NPHS1: variants seen among roughly 807,000 people sequenced by gnomAD.
NPHS1 encodes nephrin.
NPHS1 carries 107 observed loss-of-function variants against 139.7 expected under a neutral mutation model. The observed-to-expected ratio is 0.77, with a 90% CI of 0.66 to 0.90. The LOEUF (loss-of-function observed/expected upper bound fraction) is 0.90. NPHS1 is among the 40% of genes least tolerant of loss of function. The pLI is 0.00. For missense variants in NPHS1, 1,580 were observed against 1,654.2 expected (o/e 0.96, Z 0.78); for synonymous variants, 707 against 706.6 (o/e 1.00, Z -0.01).
chr19:35,845,454 C>A lies in NPHS1; in HGVS notation c.1844G>T (p.Arg615Leu), dbSNP rs751046394. 3 of 1,614,148 alleles carry A rather than the reference C, an allele frequency of 1.9e-6. No individual in the cohort carries two copies. In the South Asian group the frequency reaches 3.3e-5, roughly 18 times the overall value. ...ARSVLLQVSS[R>L]DHGQRVTCRA... is the part of the protein sequence containing the mutation. ...GCAGGTCACGCGCTGGCCATGATCG[C>A]GGGATGACACTTGCAGAAGGACGCT... Residue 615 changes from arginine to leucine, a missense_variant, in exon 14 of 29, where the codon CGC (arginine) becomes CTC (leucine). Arg to Leu is a moderately radical substitution (Grantham distance 102, BLOSUM62 -2). Coordinates refer to ENST00000378910, the MANE Select transcript of NPHS1 (RefSeq NM_004646.4). This position sits in a 1 kb window ranked among gnomAD's most constrained non-coding sequence, Gnocchi z 5.5.
rs1393859627 is a variant in NPHS1, at chr19:35,826,463, C to G, written c.*51G>C. On this transcript the variant is annotated 3_prime_UTR_variant, in exon 29 of 29. Transcript: ENST00000378910. Reference sequence around the variant, plus strand: ...CGGCCCAGGCTGTAATGAGAGAGACCAGTGGAGTGTAAATTCCTGCAGGTG... The same window carrying G: ...CGGCCCAGGCTGTAATGAGAGAGACGAGTGGAGTGTAAATTCCTGCAGGTG... 6.2e-7 allele frequency: 1 copy of G among 1,608,776 alleles called. No homozygotes were observed. Among genetic ancestry groups the G allele is most frequent in the African/African-American group, 1.3e-5 (1 of 74,750 alleles).
chr19:35,837,242 A>G (rs970638372), intron 22 of NPHS1, among the ~76,000 whole-genome samples: 1 of 152,158 alleles, frequency 6.6e-6, no homozygotes, highest in Non-Finnish European at 1.5e-5. Flanking sequence ...ATTGTAACAT[A>G]TTCATCATAT....
chr19:35,841,490 C>T (rs1169466473), intron 20 of NPHS1, among the ~76,000 whole-genome samples: 2 of 152,094 alleles, frequency 1.3e-5, no homozygotes, highest in African/African-American at 2.4e-5. Flanking sequence ...TAACAAGTAC[C>T]CCCTCTCCAT....
rs1247818296 is a variant in NPHS1, at chr19:35,831,323, T to A, written c.3360A>T (p.Thr1120=). The A allele has an allele frequency of 1.9e-6, 3 of 1,614,120 alleles. No individual in the cohort carries two copies. In the South Asian group the frequency reaches 3.3e-5, roughly 18 times the overall value. The change falls in exon 26 of 29, where the codon ACA becomes ACT. Residue 1120 remains threonine, a synonymous_variant. Transcript: ENST00000378910. ...VRNEYEESQW[T]GERDTQSSTV... is the part of the protein sequence containing the mutation. ...TGGAGCTCTGAGTGTCCCGCTCTCC[T>A]GTCCACTGGCTCTCCTCATATTCGT...
Position 35,848,279 on chromosome 19 carries a change from T to C in NPHS1, c.1289A>G (p.Lys430Arg), listed in dbSNP as rs368523939. ...FSEAFTKETF[K>R]KSLILNVKYP... The stretch of plus-strand genomic sequence containing the variant: ...TTTTACGTTCAGGATGAGCGACTTC[T>C]TGAAGGTCTCCTTGGTGAAGGCTTC... The change falls in exon 10 of 29, where the codon AAG (lysine) becomes AGG (arginine). Residue 430 changes from lysine to arginine, a missense_variant. Lys to Arg is a conservative substitution (Grantham distance 26). Transcript: ENST00000378910. 115 of 1,614,170 alleles carry C rather than the reference T, an allele frequency of 7.1e-5. 1 individual carries two copies. The South Asian group carries it at 1.2e-3, about 17-fold the overall frequency.
intron 28 of NPHS1, among the ~76,000 whole-genome samples, chr19:35,827,006 G>C (rs1167769907): frequency 2.0e-5 from 3 of 152,140 alleles, no homozygotes; most frequent in African/African-American, 7.2e-5. Context: ...GACAGGGTCT[G>C]GCTCTGTCAC....
intron 6 of NPHS1, 51 bp downstream of exon 6, chr19:35,849,499 A>T (rs760106807): frequency 1.3e-6 from 2 of 1,592,234 alleles, no homozygotes; most frequent in Admixed American, 3.3e-5. Context: ...CACACCCCCC[A>T]GTGCCTGCTC....
intron 22 of NPHS1, among the ~76,000 whole-genome samples, chr19:35,836,259 A>AT (rs577656249): frequency 0.078 from 10,508 of 135,310 alleles, 1,039 homozygotes; most frequent in African/African-American, 0.24. Context: ...GCGCCTGGCC[A>AT]TTTTTTTTTT....
intron 23 of NPHS1, among the ~76,000 whole-genome samples, chr19:35,832,658 G>A (rs936876891): frequency 1.5e-4 from 23 of 151,910 alleles, no homozygotes; most frequent in African/African-American, 5.6e-4. Flanking sequence ...GGGAGGCTGA[G>A]GGGTTGGATC....
Position 35,830,863 on chromosome 19 carries a change from AGGGGTCCCCAGGCTCCAGAC to A in NPHS1, c.3555_3574del (p.Ser1186LeufsTer3), listed in dbSNP as rs767832658. ...TCTCACCATCTGCACTTCATCGTAG[AGGGGTCCCCAGGCTCCAGAC>A]GGGGGGTACGTTCTTTCTACCTCAT... On this transcript the variant is annotated frameshift_variant, in exon 28 of 29. Transcript: ENST00000378910. LOFTEE classifies it high-confidence loss of function. The A allele has an allele frequency of 6.2e-7, 1 of 1,610,418 alleles. No homozygotes were observed. Among genetic ancestry groups the A allele is most frequent in the Non-Finnish European group, 8.5e-7 (1 of 1,176,582 alleles).
At chr19:35,829,526 C>T (rs1599834671) in intron 28 of NPHS1, among the ~76,000 whole-genome samples, 1 of 148,066 alleles carries the variant, frequency 6.8e-6, no homozygotes, top group East Asian at 2.1e-4. Context: ...ACCACCATGC[C>T]CAGTTAATTT....
Position 35,848,390 on chromosome 19 carries a change from T to G in NPHS1, c.1178A>C (p.His393Pro), listed in dbSNP as rs749176671. 11 of 1,614,136 alleles carry G rather than the reference T, an allele frequency of 6.8e-6. No homozygotes were observed. Among genetic ancestry groups the G allele is most frequent in the Non-Finnish European group, 9.3e-6 (11 of 1,180,016 alleles). Residue 393 changes from histidine to proline, a missense_variant, in exon 10 of 29, where the codon CAT (histidine) becomes CCT (proline). Physicochemically the swap from His to Pro is moderately conservative, Grantham distance 77 (BLOSUM62 -2). Transcript: ENST00000378910. Reference sequence around the variant, plus strand: ...GTTGGACATGGAGATGTGACCGCCATGCAGTCCCTGGCAGGGAGTGAGCTT... The same window carrying G: ...GTTGGACATGGAGATGTGACCGCCAGGCAGTCCCTGGCAGGGAGTGAGCTT... ...PMEETVMDGLHGGHISMSNLT... is the reference protein window; with the variant it reads ...PMEETVMDGLPGGHISMSNLT...
At position 35,841,796 on chromosome 19, in the gene NPHS1, C is replaced by G; in HGVS notation, c.2734G>C (p.Ala912Pro). 6.2e-7 allele frequency: 1 copy of G among 1,614,124 alleles called. No homozygotes were observed. Among genetic ancestry groups the G allele is most frequent in the Non-Finnish European group, 8.5e-7 (1 of 1,180,024 alleles). ...SLLTIANVSA[A>P]QDYALFTCTA... ...CATGTGAAGAGGGCGTAATCCTGGG[C>G]GGCAGACACGTTGGCAATGGTCAGG... The change falls in exon 20 of 29, where the codon GCC becomes CCC. Residue 912 changes from alanine (A) to proline (P), a missense_variant. By Grantham distance (27) the Ala-to-Pro change is conservative (BLOSUM62 -1). Coordinates refer to ENST00000378910, the MANE Select transcript of NPHS1 (RefSeq NM_004646.4).
intron 22 of NPHS1, among the ~76,000 whole-genome samples, chr19:35,838,477 C>T (rs1232094120): frequency 2.2e-4 from 33 of 151,992 alleles, no homozygotes. Flanking sequence ...CGCTTGAACC[C>T]GGGAGGCGGA....
At chr19:35,842,642 C>G in intron 17 of NPHS1, 92 bp from the exon 18 acceptor site, 1 of 1,259,556 alleles carries the variant, frequency 7.9e-7, no homozygotes, top group Non-Finnish European at 1.2e-6. Flanking sequence ...ATTCTCCTAG[C>G]CACAATCACC....
In NPHS1 at chr19:35,826,368, A is replaced by G. The variant is rs73928316; in HGVS notation, c.*146T>C. On this transcript the variant is annotated 3_prime_UTR_variant, in exon 29 of 29. Coordinates refer to ENST00000378910, the MANE Select transcript of NPHS1 (RefSeq NM_004646.4). ...TGGTACCAGCTGAACCATCTCTGTC[A>G]CTCAGCCCCCTCCATGTCCTCTCCT... 5,428 of 903,314 alleles carry G rather than the reference A, an allele frequency of 6.0e-3. 195 individuals are homozygous for G. In the African/African-American group the frequency reaches 0.08, roughly 13 times the overall value. The allele number at this position is 903,314 out of a possible 1,614,324, so 56.0% of individuals were successfully genotyped here.
Position 35,851,621 on chromosome 19 carries a change from AG to A in NPHS1, c.109del (p.Leu37CysfsTer5). On this transcript the variant is annotated frameshift_variant, in exon 2 of 29. Coordinates refer to ENST00000378910, the MANE Select transcript of NPHS1 (RefSeq NM_004646.4). LOFTEE classifies it high-confidence loss of function. ...PASVPRGFWA[L>X]PENLTVVEGA... is the part of the protein sequence containing the mutation. ...CTCCACCACCGTCAGGTTTTCAGGC[AG>A]GGCCCAGAAGCCCCGGGGAACGGAG... The A allele has an allele frequency of 6.2e-7, 1 of 1,614,026 alleles. No individual in the cohort carries two copies. Among genetic ancestry groups the A allele is most frequent in the Non-Finnish European group, 8.5e-7 (1 of 1,179,992 alleles).
intron 22 of NPHS1, among the ~76,000 whole-genome samples, chr19:35,838,764 T>C (rs139141772): frequency 0.053 from 8,083 of 151,744 alleles, 290 homozygotes; most frequent in Non-Finnish European, 0.076. Context: ...AGAGAATTGC[T>C]TGAACCCAGG....
At position 35,839,531 on chromosome 19, in the gene NPHS1, G is replaced by T. The variant is rs770871471; in HGVS notation, c.2892C>A (p.Gly964=). 3.1e-6 allele frequency: 5 copies of T among 1,614,018 alleles called. No individual in the cohort carries two copies. Among genetic ancestry groups the T allele is most frequent in the Admixed American group, 1.7e-5 (1 of 60,018 alleles). ...ACCTCTGTGGCAGGCCCCCATCAAA[G>T]CCAGGCTTCCACTCCAGCCCCACGG... ...PHSVGLEWKP[G]FDGGLPQRFC... Residue 964 remains glycine (G), a synonymous_variant, in exon 21 of 29, where the codon GGC becomes GGA. Transcript: ENST00000378910.
Sources: gnomAD v4.1 joint callset for allele counts (sites outside exome capture counted in the v4.1 genomes callset) on GRCh38, gnomAD v4.1.1 for gene constraint, Gnocchi (gnomAD v3.1) non-coding constraint, MANE v1.5 for transcripts, NCBI Gene and HGNC (gene_info 2026-07-23, HGNC 2026-07-21) for gene names.